OLA1: variants seen among roughly 807,000 people sequenced by gnomAD.
OLA1 encodes the protein obg-like ATPase 1.
In OLA1, 14 loss-of-function variants were observed where a neutral mutation model predicts 48.4. The observed-to-expected ratio is 0.29, with a 90% CI of 0.19 to 0.45. OLA1 has a LOEUF of 0.45. OLA1 is among the 20% of genes least tolerant of loss of function. OLA1 has a pLI of 1.00. For missense variants in OLA1, 325 were observed against 467.1 expected (o/e 0.70, Z 2.80); for synonymous variants, 127 against 150.4 (o/e 0.84, Z 1.14).
chr2:174,151,145 A>AT (rs1686737301), intron 4 of OLA1, among the ~76,000 whole-genome samples: 1 of 152,188 alleles, frequency 6.6e-6, no homozygotes, highest in South Asian at 2.1e-4. Context: ...TCTTACATGA[A>AT]TGAGTAATAC....
At chr2:174,206,239 A>G (rs1196178060) in intron 4 of OLA1, among the ~76,000 whole-genome samples, 1 of 152,242 alleles carries the variant, frequency 6.6e-6, no homozygotes, top group Non-Finnish European at 1.5e-5. Context: ...ATGAGGTTCA[A>G]ACTTGATGCT....
chr2:174,225,537 G>C (rs1410029744), intron 3 of OLA1, among the ~76,000 whole-genome samples: 1 of 151,752 alleles, frequency 6.6e-6, no homozygotes, highest in Non-Finnish European at 1.5e-5. Flanking sequence ...CAACAATGGC[G>C]AAACTCCCTC....
chr2:174,213,507 C>T (rs980424686), intron 4 of OLA1, among the ~76,000 whole-genome samples: 1 of 151,826 alleles, frequency 6.6e-6, no homozygotes, highest in Non-Finnish European at 1.5e-5. Flanking sequence ...AAAAAAAAGG[C>T]TAAGGATTTG....
chr2:174,110,362 G>C (rs1266985882), intron 7 of OLA1, among the ~76,000 whole-genome samples: 1 of 143,122 alleles, frequency 7.0e-6, no homozygotes, highest in Non-Finnish European at 1.5e-5. Context: ...ATGTTGCCCA[G>C]GCTGGTCTTG....
At chr2:174,176,253 G>T (rs1687417758) in intron 4 of OLA1, among the ~76,000 whole-genome samples, 1 of 151,984 alleles carries the variant, frequency 6.6e-6, no homozygotes, top group Non-Finnish European at 1.5e-5. Flanking sequence ...CTTTGATAAG[G>T]TTTCATACTT....
At chr2:174,144,951 A>AAAATATATATATAT (rs1181030817) in intron 4 of OLA1, among the ~76,000 whole-genome samples, 3 of 40,278 alleles carry the variant, frequency 7.4e-5, no homozygotes, top group East Asian at 1.9e-3. Flanking sequence ...AAAAAAAAAA[A>AAAATATATATATAT]ATATATATAT....
chr2:174,084,045 G>T (rs1036550204), intron 7 of OLA1, among the ~76,000 whole-genome samples: 2 of 152,198 alleles, frequency 1.3e-5, no homozygotes, highest in Non-Finnish European at 2.9e-5. Flanking sequence ...CAATTCAAAT[G>T]AATAAAGACT....
rs71021672 is a variant in OLA1, at chr2:174,144,951, A to AAT, written c.374-2953_374-2952dup. Among the ~76,000 whole-genome samples, 175 of 40,286 alleles carry AAT rather than the reference A, an allele frequency of 4.3e-3. 3 individuals are homozygous for AAT. Among genetic ancestry groups the AAT allele is most frequent in the Middle Eastern group, 0.033 (1 of 30 alleles). 26.4% of individuals were successfully genotyped at this position (40,286 alleles called of 152,430 possible). ...TGTTTAAAAAAAAAAAAAAAAAAAA[A>AAT]ATATATATATATATATATATATATA... is the stretch of plus-strand genomic sequence containing the variant. On this transcript the variant is annotated intron_variant, in intron 4 of 10. Transcript: ENST00000284719.
intron 7 of OLA1, among the ~76,000 whole-genome samples, chr2:174,100,300 G>A (rs1450954271): frequency 6.6e-6 from 1 of 152,200 alleles, no homozygotes; most frequent in Non-Finnish European, 1.5e-5. Flanking sequence ...AAGTAAGACC[G>A]ACATTGTCCT....
chr2:174,223,939 G>C (rs1358622441), intron 3 of OLA1, among the ~76,000 whole-genome samples: 1 of 152,104 alleles, frequency 6.6e-6, no homozygotes, highest in East Asian at 1.9e-4. Flanking sequence ...AAATCAGTTT[G>C]CCATGTAAAA....
At chr2:174,097,456 G>A (rs751699173) in intron 7 of OLA1, among the ~76,000 whole-genome samples, 3 of 152,160 alleles carry the variant, frequency 2.0e-5, no homozygotes, top group Non-Finnish European at 4.4e-5. Flanking sequence ...AAACAGAAAA[G>A]GAAAGGTTTT....
At chr2:174,096,258 C>T (rs1685253315) in intron 7 of OLA1, among the ~76,000 whole-genome samples, 1 of 152,040 alleles carries the variant, frequency 6.6e-6, no homozygotes, top group African/African-American at 2.4e-5. Context: ...TTAGTGGTTA[C>T]CAGGGATTAG....
intron 8 of OLA1, 141 bp downstream of exon 8, chr2:174,081,783 G>A (rs1047722461): frequency 1.4e-5 from 11 of 793,122 alleles, no homozygotes; most frequent in Non-Finnish European, 2.2e-5. Flanking sequence ...TTTTCACTCT[G>A]TCTCATGGTA....
chr2:174,085,981 A>G (rs1180370969), intron 7 of OLA1, among the ~76,000 whole-genome samples: 1 of 151,968 alleles, frequency 6.6e-6, no homozygotes, highest in Admixed American at 6.6e-5. Flanking sequence ...CATATGGGCT[A>G]TATTTGTGTA....
intron 4 of OLA1, among the ~76,000 whole-genome samples, chr2:174,177,914 T>A (rs1294054503): frequency 6.6e-6 from 1 of 151,990 alleles, no homozygotes; most frequent in Non-Finnish European, 1.5e-5. Context: ...TATCAACTCC[T>A]CAGGAAATTA....
At chr2:174,129,077 A>G (rs1441173067) in intron 5 of OLA1, among the ~76,000 whole-genome samples, 2 of 152,194 alleles carry the variant, frequency 1.3e-5, no homozygotes, top group Non-Finnish European at 2.9e-5. Flanking sequence ...TAACTCCAAT[A>G]AAATATGGTG....
intron 4 of OLA1, among the ~76,000 whole-genome samples, chr2:174,178,275 G>A (rs1312433637): frequency 2.6e-5 from 4 of 152,002 alleles, no homozygotes; most frequent in South Asian, 2.1e-4. Context: ...ATAAGCCTAC[G>A]CAAAAGTTAA....
At chr2:174,226,667 T>G (rs1461724274) in intron 3 of OLA1, among the ~76,000 whole-genome samples, 2 of 152,166 alleles carry the variant, frequency 1.3e-5, no homozygotes, top group African/African-American at 4.8e-5. Context: ...GTCCGGCTAC[T>G]TTTGTATTTT....
chr2:174,086,837 G>T (rs547434123), intron 7 of OLA1, among the ~76,000 whole-genome samples: 1 of 152,156 alleles, frequency 6.6e-6, no homozygotes, highest in Admixed American at 6.5e-5. Flanking sequence ...TTCAGACTGC[G>T]GTTGACAGCG....
Sources: allele counts gnomAD v4.1 joint callset (sites outside exome capture counted in the v4.1 genomes callset), GRCh38; gene constraint gnomAD v4.1.1; transcripts MANE v1.5; gene names NCBI Gene and HGNC (gene_info 2026-07-23, HGNC 2026-07-21).